The following CRIP1 variants were observed in gnomAD, a reference collection of about 807,000 sequenced individuals.
The protein encoded by CRIP1 is cysteine-rich protein 1.
A neutral mutation model predicts 12.9 loss-of-function variants in CRIP1; 11 were observed. The ratio of observed to expected loss-of-function variants is 0.86; its 90% CI spans 0.54 to 1.42. The LOEUF is 1.42. CRIP1 is among the 40% of genes most tolerant of loss of function. The probability of loss-of-function intolerance (pLI) is 0.00; values close to 1 mark genes in which losing one functional copy is unlikely to be tolerated. For missense variants in CRIP1, 122 were observed against 101.3 expected, an observed-to-expected ratio of 1.20 and a Z score of -0.88; for synonymous variants, 41 against 37.2, an observed-to-expected ratio of 1.10 and a Z score of -0.37.
At position 105,487,350 on chromosome 14, in the gene CRIP1, G is replaced by C. The variant is rs1029973904; in HGVS notation, c.40+51G>C. The C allele has an allele frequency of 3.3e-6, 5 of 1,499,768 alleles. No homozygotes were observed. In the Admixed American group the frequency reaches 8.0e-5, roughly 24 times the overall value. 92.9% of individuals were successfully genotyped at this position (1,499,768 alleles called of 1,614,324 possible). On this transcript the variant is annotated intron_variant, in intron 2 of 5. Coordinates refer to ENST00000392531, the MANE Select transcript of CRIP1 (RefSeq NM_001311.5). ...GAGGAGGCGCCGCCGACGGGGCGAC[G>C]AGGCTGGGGACCGCTCAGGAGGACC...
chr14:105,488,543 G>A (rs200421273), intron 5 of CRIP1, 27 bp downstream of exon 5: 496 of 1,565,092 alleles, frequency 3.2e-4, no homozygotes, highest in Non-Finnish European at 4.0e-4. Context: ...CCCCTATCCT[G>A]CCTCCTGGTT....
intron 4 of CRIP1, 25 bp downstream of exon 4, chr14:105,488,413 A>ACCC: frequency 1.9e-6 from 1 of 518,354 alleles, no homozygotes; most frequent in Non-Finnish European, 3.0e-6. Flanking sequence ...TCCCCACCCC[A>ACCC]CCCCACCCCA....
At chr14:105,487,960 C>T in intron 2 of CRIP1, 1 of 578,370 alleles carries the variant, frequency 1.7e-6, no homozygotes, top group Non-Finnish European at 3.1e-6. Flanking sequence ...CGACCCCGCG[C>T]TTTGTTTAGT....
rs2084126808 is a variant in CRIP1 at position 105,486,992 on chromosome 14, TG to T, written c.-62+21del. ...CTCTCAGTAAGTCCCCATGGCCCCC[TG>T]CCCCCCCGCGCTCCGTCCTCAGTCA... On this transcript the variant is annotated intron_variant, in intron 1 of 5. Coordinates refer to ENST00000392531, the MANE Select transcript of CRIP1 (RefSeq NM_001311.5). 2.6e-6 allele frequency: 3 copies of T among 1,160,928 alleles called. No homozygotes were observed. The Middle Eastern group carries it at 9.6e-4, about 370-fold the overall frequency. 71.9% of individuals were successfully genotyped at this position (1,160,928 alleles called of 1,614,324 possible).
At chr14:105,488,123 G>C in intron 2 of CRIP1, 43 bp from the exon 3 acceptor site, 1 of 1,584,242 alleles carries the variant, frequency 6.3e-7, no homozygotes, top group Non-Finnish European at 8.6e-7. Flanking sequence ...GGTAGGCGCC[G>C]CGTCCTGCAG....
chr14:105,488,403 T>TGGGCCCC lies in CRIP1; in HGVS notation c.193+15_193+16insGGGCCCC. 4.4e-6 allele frequency: 7 copies of TGGGCCCC among 1,580,452 alleles called. No individual in the cohort carries two copies. Among genetic ancestry groups the TGGGCCCC allele is most frequent in the Middle Eastern group, 2.1e-4 (1 of 4,770 alleles). On this transcript the variant is annotated intron_variant, in intron 4 of 5. Coordinates refer to ENST00000392531, the MANE Select transcript of CRIP1 (RefSeq NM_001311.5). ...TGGGCCTAAAGGTATGCTCCCGTCA[T>TGGGCCCC]CCCCACCCCACCCCACCCCACAGCC...
At position 105,488,484 on chromosome 14, in the gene CRIP1, C is replaced by T. The variant is rs551006867; in HGVS notation, c.207C>T (p.Gly69=). The change falls in exon 5 of 6, where the codon GGC becomes GGT. Residue 69 remains glycine (G), a synonymous_variant. Transcript: ENST00000392531. Reference sequence around the variant, plus strand: ...CCTTCTCTGCAGGCTTTGGGCGGGGCGGAGCCGAGAGCCACACTTTCAAGT... The same window carrying T: ...CCTTCTCTGCAGGCTTTGGGCGGGGTGGAGCCGAGAGCCACACTTTCAAGT... ...AMFGPKGFGR[G]GAESHTFK 89 of 1,372,364 alleles carry T rather than the reference C, an allele frequency of 6.5e-5. No individual in the cohort carries two copies. The highest frequency in any genetic ancestry group is 5.5e-4 in the Admixed American group (28 of 50,914). 85.0% of individuals were successfully genotyped at this position (1,372,364 alleles called of 1,614,324 possible). A position where few individuals can be genotyped will look rare whatever the true frequency, so the allele number is the denominator to read the frequency against.
intron 1 of CRIP1, 81 bp downstream of exon 1, chr14:105,487,053 G>C: frequency 1.5e-6 from 2 of 1,364,792 alleles, no homozygotes; most frequent in Non-Finnish European, 1.9e-6. Context: ...GGGTGGACCA[G>C]ATGATCTTTC....
rs782709731 is a variant in CRIP1 at position 105,488,761 on chromosome 14, G to A, written c.*104G>A. On this transcript the variant is annotated 3_prime_UTR_variant, in exon 6 of 6. Coordinates refer to ENST00000392531, the MANE Select transcript of CRIP1 (RefSeq NM_001311.5). The stretch of plus-strand genomic sequence containing the variant: ...CCAGGGCTCCCTTGTTGCCCCTAAT[G>A]CTCTCAGTAAACCTGAACACTTGGA... 8 of 579,678 alleles carry A rather than the reference G, an allele frequency of 1.4e-5. No homozygotes were observed. The highest frequency in any genetic ancestry group is 2.2e-5 in the Non-Finnish European group (7 of 325,194). The allele number at this position is 579,678 out of a possible 1,614,324, so 35.9% of individuals were successfully genotyped here.
chr14:105,487,362 C>G, intron 2 of CRIP1, 63 bp downstream of exon 2: 1 of 1,441,418 alleles, frequency 6.9e-7, no homozygotes, highest in Admixed American at 2.1e-5. Context: ...GGCTGGGGAC[C>G]GCTCAGGAGG....
Position 105,488,535 on chromosome 14 carries a change from C to G in CRIP1, c.*5+19C>G, listed in dbSNP as rs200341901. Reference sequence around the variant, plus strand: ...AAACCAGGTAGGTAGGACCCCACCCCCTATCCTGCCTCCTGGTTCCACCCT... The same window carrying G: ...AAACCAGGTAGGTAGGACCCCACCCGCTATCCTGCCTCCTGGTTCCACCCT... On this transcript the variant is annotated intron_variant, in intron 5 of 5. Transcript: ENST00000392531. 2.9e-4 allele frequency: 453 copies of G among 1,568,538 alleles called. 2 individuals are homozygous for G. The African/African-American group carries it at 5.7e-3, about 20-fold the overall frequency.
At position 105,488,808 on chromosome 14, in the gene CRIP1, CGT is replaced by C. The variant is rs2084155124; in HGVS notation, c.*157_*158del. ...TGGAAAACCTGTGTGTGTACATGCG[CGT>C]GTGTGCTGGGGAGTGCCAAGGGAGC... On this transcript the variant is annotated 3_prime_UTR_variant, in exon 6 of 6. Coordinates refer to ENST00000392531, the MANE Select transcript of CRIP1 (RefSeq NM_001311.5). 1 of 493,554 alleles carries C rather than the reference CGT, an allele frequency of 2.0e-6. No individual in the cohort carries two copies. The highest frequency in any genetic ancestry group is 3.1e-5 in the East Asian group (1 of 31,796). The allele number at this position is 493,554 out of a possible 1,614,324, so 30.6% of individuals were successfully genotyped here.
intron 1 of CRIP1, 112 bp downstream of exon 1, chr14:105,487,084 C>G (rs1555438178): frequency 2.2e-5 from 30 of 1,368,564 alleles, no homozygotes. Flanking sequence ...GGCCTAGATT[C>G]GAGGTCCCCA....
Position 105,488,490 on chromosome 14 carries a change from C to T in CRIP1, c.213C>T (p.Ala71=), listed in dbSNP as rs201961496. The change falls in exon 5 of 6, where the codon GCC becomes GCT. Residue 71 remains alanine (A), a synonymous_variant. Coordinates refer to ENST00000392531, the MANE Select transcript of CRIP1 (RefSeq NM_001311.5). The part of the protein sequence containing the change: ...FGPKGFGRGG[A]ESHTFK Reference sequence around the variant, plus strand: ...CTGCAGGCTTTGGGCGGGGCGGAGCCGAGAGCCACACTTTCAAGTAAACCA... The same window carrying T: ...CTGCAGGCTTTGGGCGGGGCGGAGCTGAGAGCCACACTTTCAAGTAAACCA... 38 of 1,603,886 alleles carry T rather than the reference C, an allele frequency of 2.4e-5. No homozygotes were observed. The highest frequency in any genetic ancestry group is 9.4e-5 in the African/African-American group (7 of 74,690).
intron 2 of CRIP1, 121 bp from the exon 3 acceptor site, chr14:105,488,020 ACCTTAGGGTGGGCTGCCAGGCTGGG>A: frequency 1.4e-6 from 1 of 721,308 alleles, no homozygotes; most frequent in Non-Finnish European, 2.3e-6. Flanking sequence ...GGGTGCTGAG[ACCTTAGGGTGGGCTGCCAGGCTGGG>A]CGGATGCGGG....
At position 105,488,528 on chromosome 14, in the gene CRIP1, C is replaced by T; in HGVS notation, c.*5+12C>T. 6.3e-7 allele frequency: 1 copy of T among 1,577,680 alleles called. No homozygotes were observed. Among genetic ancestry groups the T allele is most frequent in the Non-Finnish European group, 8.6e-7 (1 of 1,160,346 alleles). ...TTCAAGTAAACCAGGTAGGTAGGACCCCACCCCCTATCCTGCCTCCTGGTT... is the reference window on the plus strand; with the variant it reads ...TTCAAGTAAACCAGGTAGGTAGGACTCCACCCCCTATCCTGCCTCCTGGTT... On this transcript the variant is annotated intron_variant, in intron 5 of 5. Coordinates refer to ENST00000392531, the MANE Select transcript of CRIP1 (RefSeq NM_001311.5).
At chr14:105,488,290 C>T in intron 3 of CRIP1, 30 bp downstream of exon 3, 1 of 1,613,334 alleles carries the variant, frequency 6.2e-7, no homozygotes, top group South Asian at 1.1e-5. Flanking sequence ...GTGGCAGGGG[C>T]CAGGGGTGAT....
chr14:105,487,050 C>T, intron 1 of CRIP1, 78 bp downstream of exon 1: 1 of 1,360,236 alleles, frequency 7.4e-7, no homozygotes, highest in Non-Finnish European at 9.5e-7. Flanking sequence ...CGGGGGTGGA[C>T]CAGATGATCT....
chr14:105,487,381 C>A, intron 2 of CRIP1, 82 bp downstream of exon 2: 1 of 1,287,194 alleles, frequency 7.8e-7, no homozygotes, highest in Non-Finnish European at 1.1e-6. Flanking sequence ...GGACCGGGGG[C>A]GCTGGGTCCC....
Sources: allele counts gnomAD v4.1 joint callset, GRCh38; gene constraint gnomAD v4.1.1; transcripts MANE v1.5; gene names NCBI Gene and HGNC (gene_info 2026-07-23, HGNC 2026-07-21).